Variants in MCTP2 observed in about 807,000 individuals in gnomAD.
MCTP2 encodes multiple C2 and transmembrane domain containing 2.
A neutral mutation model predicts 111.6 loss-of-function variants in MCTP2; 132 were observed. The ratio of observed to expected loss-of-function variants is 1.18; its 90% CI spans 1.03 to 1.37. The LOEUF (loss-of-function observed/expected upper bound fraction) is 1.37, where lower values mean the gene tolerates loss of function less well. Among genes scored for constraint, MCTP2 ranks in the 40% most tolerant of loss-of-function variants. The pLI is 0.00. For missense variants in MCTP2, 1,183 were observed against 1,067.9 expected, an observed-to-expected ratio of 1.11 and a Z score of -1.50; for synonymous variants, 395 against 387.7, an observed-to-expected ratio of 1.02 and a Z score of -0.22.
chr15:94,263,841 T>G (rs1380194250), intron 1 of MCTP2, among the ~76,000 whole-genome samples: 1 of 152,224 alleles, frequency 6.6e-6, no homozygotes, highest in Non-Finnish European at 1.5e-5. Flanking sequence ...TAAAGAAACT[T>G]TAGCGAGTAT....
At chr15:94,243,986 T>A (rs1037707001) in intron 1 of MCTP2, among the ~76,000 whole-genome samples, 2 of 147,462 alleles carry the variant, frequency 1.4e-5, no homozygotes, top group African/African-American at 2.5e-5. Context: ...TACACATACA[T>A]ATGTGTATAT....
intron 20 of MCTP2, among the ~76,000 whole-genome samples, chr15:94,462,477 G>C (rs924494268): frequency 6.6e-6 from 1 of 152,216 alleles, no homozygotes; most frequent in Non-Finnish European, 1.5e-5. Flanking sequence ...GATTTACCAA[G>C]CTCCTTCAAC....
chr15:94,264,089 A>G (rs1263249412), intron 1 of MCTP2, among the ~76,000 whole-genome samples: 1 of 152,062 alleles, frequency 6.6e-6, no homozygotes, highest in Non-Finnish European at 1.5e-5. Flanking sequence ...CACAGTCCCT[A>G]CTTCCACTTG....
At chr15:94,332,241 C>T (rs2077164425) in intron 4 of MCTP2, among the ~76,000 whole-genome samples, 1 of 152,108 alleles carries the variant, frequency 6.6e-6, no homozygotes. Flanking sequence ...AGGCCAGCAG[C>T]ACCTGTTCAA....
At chr15:94,328,983 T>G (rs1206073124) in intron 4 of MCTP2, among the ~76,000 whole-genome samples, 2 of 152,176 alleles carry the variant, frequency 1.3e-5, no homozygotes, top group Admixed American at 1.3e-4. Context: ...CCTCATGACA[T>G]GGCAGCATCA....
chr15:94,313,420 G>A (rs1423500800), intron 2 of MCTP2, among the ~76,000 whole-genome samples: 2 of 152,014 alleles, frequency 1.3e-5, no homozygotes, highest in Admixed American at 1.3e-4. Context: ...GGAAACATAG[G>A]GGCCGGGCAT....
At chr15:94,327,144 A>G (rs1482205101) in intron 4 of MCTP2, among the ~76,000 whole-genome samples, 1 of 152,020 alleles carries the variant, frequency 6.6e-6, no homozygotes, top group Non-Finnish European at 1.5e-5. Flanking sequence ...GGAAAGTGTC[A>G]TTTTTTATCT....
At chr15:94,432,384 A>G (rs76200595) in intron 17 of MCTP2, among the ~76,000 whole-genome samples, 1,731 of 152,296 alleles carry the variant, frequency 0.011, 39 homozygotes, top group African/African-American at 0.039. Flanking sequence ...TTATTATTAT[A>G]TATTTAATGT....
intron 1 of MCTP2, among the ~76,000 whole-genome samples, chr15:94,239,469 C>T (rs1002099140): frequency 3.3e-5 from 5 of 152,194 alleles, no homozygotes; most frequent in African/African-American, 1.2e-4. Context: ...GACAATGCTT[C>T]ACTTGAAGAC....
chr15:94,266,348 A>G (rs940489554), intron 1 of MCTP2, among the ~76,000 whole-genome samples: 9 of 152,096 alleles, frequency 5.9e-5, no homozygotes, highest in African/African-American at 1.4e-4. Context: ...TTATTATTAT[A>G]ATTATTTGTC....
At chr15:94,257,770 A>G (rs1324691175) in intron 1 of MCTP2, among the ~76,000 whole-genome samples, 2 of 150,720 alleles carry the variant, frequency 1.3e-5, no homozygotes, top group African/African-American at 2.4e-5. Flanking sequence ...TATTTTTAGT[A>G]GAGACGGGGT....
At chr15:94,465,580 CCTTT>C (rs1021227759) in intron 20 of MCTP2, among the ~76,000 whole-genome samples, 12 of 151,974 alleles carry the variant, frequency 7.9e-5, no homozygotes, top group Non-Finnish European at 1.5e-4. Context: ...TACAGTCTCA[CCTTT>C]CTTTTCTCCT....
intron 12 of MCTP2, among the ~76,000 whole-genome samples, chr15:94,383,232 T>C (rs1446540449): frequency 6.6e-6 from 1 of 152,222 alleles, no homozygotes; most frequent in Non-Finnish European, 1.5e-5. Flanking sequence ...TTTTACACTT[T>C]TTCTCACTTC....
chr15:94,391,227 A>G (rs1022731781), intron 14 of MCTP2, among the ~76,000 whole-genome samples: 3 of 152,158 alleles, frequency 2.0e-5, no homozygotes, highest in Admixed American at 6.5e-5. Context: ...CAAATTTTCT[A>G]TAATGGCTTG....
intron 17 of MCTP2, among the ~76,000 whole-genome samples, chr15:94,435,629 C>CTTTTTTTTTTT (rs202170550): frequency 5.2e-4 from 61 of 117,898 alleles, no homozygotes; most frequent in East Asian, 7.9e-4. Context: ...TTTTTTTATT[C>CTTTTTTTTTTT]TTTTTTTTTT....
intron 8 of MCTP2, among the ~76,000 whole-genome samples, chr15:94,349,289 G>A (rs1220039812): frequency 6.6e-6 from 1 of 152,042 alleles, no homozygotes; most frequent in African/African-American, 2.4e-5. Flanking sequence ...AGGGACAGAG[G>A]GACTGTCTTC....
At chr15:94,323,739 G>A (rs941758091) in intron 4 of MCTP2, among the ~76,000 whole-genome samples, 14 of 152,152 alleles carry the variant, frequency 9.2e-5, no homozygotes, top group South Asian at 6.2e-4. Flanking sequence ...GCTCACCTTC[G>A]TTAGCAATCC....
chr15:94,352,077 A>C (rs947349372), intron 8 of MCTP2, among the ~76,000 whole-genome samples: 3 of 152,148 alleles, frequency 2.0e-5, no homozygotes, highest in Admixed American at 2.0e-4. Context: ...GGCCCAAAAC[A>C]TCAAATAATG....
chr15:94,461,593 G>T (rs1341972924), intron 20 of MCTP2, among the ~76,000 whole-genome samples: 1 of 152,146 alleles, frequency 6.6e-6, no homozygotes, highest in Non-Finnish European at 1.5e-5. Context: ...TCCTTGAGTG[G>T]CTAGGGAAAT....
Sources: gnomAD v4.1 joint callset for allele counts (sites outside exome capture counted in the v4.1 genomes callset) on GRCh38, gnomAD v4.1.1 for gene constraint, MANE v1.5 for transcripts, NCBI Gene and HGNC (gene_info 2026-07-23, HGNC 2026-07-21) for gene names.